ARID1B: variants seen among roughly 807,000 people sequenced by gnomAD.
The protein encoded by ARID1B is AT-rich interactive domain-containing protein 1B.
In ARID1B, 30 loss-of-function variants were observed where a neutral mutation model predicts 212.3. That is an observed-to-expected ratio of 0.14 (90% confidence interval 0.11 to 0.19). The LOEUF (loss-of-function observed/expected upper bound fraction) is 0.19, where lower values mean the gene tolerates loss of function less well. Ranked by LOEUF, ARID1B falls within the 10% of genes least tolerant of loss-of-function variation. The pLI is 1.00. For synonymous variants in ARID1B, 1,402 were observed against 1,301.7 expected (o/e 1.08, Z -1.66); for missense variants, 2,891 against 3,204.0 (o/e 0.90, Z 2.36).
In ARID1B at chr6:157,131,465, G is replaced by A. The variant is rs775987048; in HGVS notation, c.2582-1563G>A. Among the ~76,000 whole-genome samples, 81 of 152,276 alleles carry A rather than the reference G, an allele frequency of 5.3e-4. 1 individual carries two copies. Among genetic ancestry groups the A allele is most frequent in the Non-Finnish European group, 3.1e-4 (21 of 68,018 alleles). On this transcript the variant is annotated intron_variant, in intron 6 of 19. Coordinates refer to ENST00000636930, the MANE Select transcript of ARID1B (RefSeq NM_001374828.1). ...GACCCAGCAGTGTGGAGAGCAGATC[G>A]TGGGCGAGCCGGGAGGAGGGAACGG...
rs1554265544 is a variant in ARID1B, at chr6:156,902,762, A to AG, written c.2136+1238dup. On this transcript the variant is annotated intron_variant, in intron 3 of 19. Coordinates refer to ENST00000636930, the MANE Select transcript of ARID1B (RefSeq NM_001374828.1). Reference sequence around the variant, plus strand: ...AAAAAAAAAAAAAAAAAAAAAAAAAAGTAACATCTGTGGGGTTTGTAGCAG... The same window carrying AG: ...AAAAAAAAAAAAAAAAAAAAAAAAAAGGTAACATCTGTGGGGTTTGTAGCAG... Among the ~76,000 whole-genome samples, 792 of 145,652 alleles carry AG rather than the reference A, an allele frequency of 5.4e-3. 27 individuals are homozygous for AG. Among genetic ancestry groups the AG allele is most frequent in the African/African-American group, 0.02 (741 of 37,838 alleles).
chr6:156,960,862 TA>T (rs1794324169), intron 4 of ARID1B, among the ~76,000 whole-genome samples: 1 of 152,174 alleles, frequency 6.6e-6, no homozygotes, highest in African/African-American at 2.4e-5. Context: ...GAAGCAGAAT[TA>T]TTCCCTGTGC....
chr6:157,045,833 A>T (rs1446078133), intron 4 of ARID1B, among the ~76,000 whole-genome samples: 1 of 152,174 alleles, frequency 6.6e-6, no homozygotes. Flanking sequence ...TATTGACTCA[A>T]ACTTAAAATT....
At chr6:157,181,770 G>A (rs899338732) in intron 12 of ARID1B, among the ~76,000 whole-genome samples, 3 of 152,146 alleles carry the variant, frequency 2.0e-5, no homozygotes, top group African/African-American at 7.2e-5. Context: ...AGTGCGTCCT[G>A]AAGTCTCATA....
chr6:157,130,353 T>C (rs935601190), intron 6 of ARID1B, among the ~76,000 whole-genome samples: 6 of 152,216 alleles, frequency 3.9e-5, no homozygotes, highest in Non-Finnish European at 7.3e-5. Flanking sequence ...TCTATGAAAT[T>C]GAAACACATT....
intron 4 of ARID1B, among the ~76,000 whole-genome samples, chr6:157,051,340 A>T (rs921020957): frequency 6.6e-6 from 1 of 152,246 alleles, no homozygotes; most frequent in Non-Finnish European, 1.5e-5. Flanking sequence ...AAAACAGCAG[A>T]TAGAAATGAG....
chr6:157,165,910 A>C (rs1791293307), intron 8 of ARID1B: 1 of 152,176 alleles, frequency 6.6e-6, no homozygotes, highest in East Asian at 1.9e-4. Flanking sequence ...TCTCATTTTA[A>C]AATGCCAACT....
At chr6:157,025,518 C>T (rs2128484667) in intron 4 of ARID1B, among the ~76,000 whole-genome samples, 1 of 152,344 alleles carries the variant, frequency 6.6e-6, no homozygotes, top group South Asian at 2.1e-4. Context: ...TTTTCTTTCT[C>T]TGTAGATTGG....
chr6:157,091,432 G>A (rs1384875394), intron 5 of ARID1B, among the ~76,000 whole-genome samples: 1 of 152,200 alleles, frequency 6.6e-6, no homozygotes, highest in Non-Finnish European at 1.5e-5. Context: ...TATAGCTGCA[G>A]ATACAAACAA....
chr6:157,024,844 T>C (rs1780558966), intron 4 of ARID1B: 1 of 152,192 alleles, frequency 6.6e-6, no homozygotes, highest in African/African-American at 2.4e-5. Flanking sequence ...CTTTTTGCTA[T>C]TGAGTAGAAA....
intron 1 of ARID1B, among the ~76,000 whole-genome samples, chr6:156,790,048 A>T (rs1340915035): frequency 6.6e-6 from 1 of 152,232 alleles, no homozygotes; most frequent in Non-Finnish European, 1.5e-5. Context: ...TTTGAAGCTT[A>T]GTTCTAATCC....
chr6:156,839,991 C>T (rs1783781725), intron 2 of ARID1B, among the ~76,000 whole-genome samples: 1 of 152,218 alleles, frequency 6.6e-6, no homozygotes, highest in Non-Finnish European at 1.5e-5. Flanking sequence ...ATTTCGGAGG[C>T]AGAACTTTGT....
rs958394362 is a variant in ARID1B, at chr6:157,007,742, T to G, written c.2247+72166T>G. On this transcript the variant is annotated intron_variant, in intron 4 of 19. Coordinates refer to ENST00000636930, the MANE Select transcript of ARID1B (RefSeq NM_001374828.1). ...CCCTAAGTTGTTTTTTTTTTTTTTT[T>G]TCCCCAAGACAGAGTCTCACTCTGT... 1.7e-4 allele frequency among the ~76,000 whole-genome samples: 24 copies of G among 137,500 alleles called. No individual in the cohort carries two copies. In the East Asian group the frequency reaches 1.9e-3, roughly 11 times the overall value. 90.2% of individuals were successfully genotyped at this position (137,500 alleles called of 152,430 possible).
chr6:156,855,341 C>G (rs1784839863), intron 2 of ARID1B, among the ~76,000 whole-genome samples: 2 of 152,210 alleles, frequency 1.3e-5, no homozygotes, highest in Non-Finnish European at 2.9e-5. Flanking sequence ...TAGACTTCAG[C>G]TACAAAAATA....
At chr6:157,021,723 C>T (rs1401345072) in intron 4 of ARID1B, among the ~76,000 whole-genome samples, 1 of 151,946 alleles carries the variant, frequency 6.6e-6, no homozygotes, top group East Asian at 1.9e-4. Flanking sequence ...AGGCACCGTC[C>T]GCCCCGCGCG....
At chr6:157,182,110 G>A (rs995071133) in intron 12 of ARID1B, among the ~76,000 whole-genome samples, 8 of 152,274 alleles carry the variant, frequency 5.3e-5, no homozygotes, top group Admixed American at 2.6e-4. Context: ...TTAGCCGGGC[G>A]TGGTGATGCA....
At chr6:156,948,418 G>C (rs1297268115) in intron 4 of ARID1B, among the ~76,000 whole-genome samples, 1 of 152,074 alleles carries the variant, frequency 6.6e-6, no homozygotes, top group Non-Finnish European at 1.5e-5. Flanking sequence ...GCAGTGGGTG[G>C]TGGGGGTGGA....
Position 157,207,223 on chromosome 6 carries a change from T to G in ARID1B, c.6451T>G (p.Leu2151Val). The G allele has an allele frequency of 6.2e-7, 1 of 1,614,152 alleles. No individual in the cohort carries two copies. The highest frequency in any genetic ancestry group is 8.5e-7 in the Non-Finnish European group (1 of 1,180,038). ...EVLRDNTLVT[L>V]ANISGQLDLS... ...CTTGAGGGATAACACGTTGGTCACG[T>G]TGGCCAACATTTCCGGGCAGCTAGA... The change falls in exon 20 of 20, where the codon TTG becomes GTG. Residue 2151 changes from leucine (L) to valine (V), a missense_variant. Physicochemically the swap from Leu to Val is conservative, Grantham distance 32 (BLOSUM62 1). Transcript: ENST00000636930. This position sits in a 1 kb window ranked among gnomAD's most constrained non-coding sequence, Gnocchi z 8.5.
chr6:156,921,491 AC>A (rs1790794971), intron 3 of ARID1B, among the ~76,000 whole-genome samples: 1 of 132,244 alleles, frequency 7.6e-6, no homozygotes, highest in African/African-American at 2.9e-5. Flanking sequence ...ACACACACAC[AC>A]AAAATGTAAG....
Sources: allele counts gnomAD v4.1 joint callset (sites outside exome capture counted in the v4.1 genomes callset), GRCh38; gene constraint gnomAD v4.1.1; non-coding constraint Gnocchi (gnomAD v3.1); transcripts MANE v1.5; gene names NCBI Gene and HGNC (gene_info 2026-07-23, HGNC 2026-07-21).